The following MNX1 variants were observed in gnomAD, a reference collection of about 807,000 sequenced individuals.
MNX1 encodes the protein motor neuron and pancreas homeobox protein 1.
A neutral mutation model predicts 17.3 loss-of-function variants in MNX1; 2 were observed. That is an observed-to-expected ratio of 0.12 (90% CI 0.05 to 0.36). The LOEUF is 0.36. Ranked by LOEUF, MNX1 falls within the 10% of genes least tolerant of loss-of-function variation. MNX1 has a pLI of 1.00. For synonymous variants in MNX1, 306 were observed against 283.1 expected (o/e 1.08, Z -0.81); for missense variants, 556 against 564.7 (o/e 0.98, Z 0.16).
At chr7:157,005,965 T>A in intron 2 of MNX1, 92 bp from the exon 3 acceptor site, 1 of 1,473,372 alleles carries the variant, frequency 6.8e-7, no homozygotes, top group Middle Eastern at 1.8e-4. Flanking sequence ...CTGGGCCCCA[T>A]TGGGTCGGCC....
rs1459545906 is a variant in MNX1 at position 157,006,867 on chromosome 7, T to G, written c.692-228A>C. ...TAATGAGACCAATTTTTTTTTTTTT[T>G]TTTGTCTAGGAGACGTCTGAGTGTC... On this transcript the variant is annotated intron_variant, in intron 1 of 2. Transcript: ENST00000252971. This position sits in a 1 kb window ranked among gnomAD's most constrained non-coding sequence, Gnocchi z 6.3. 2 of 466,392 alleles carry G rather than the reference T, an allele frequency of 4.3e-6. No homozygotes were observed. Among genetic ancestry groups the G allele is most frequent in the East Asian group, 3.5e-5 (1 of 28,462 alleles). 28.9% of individuals were successfully genotyped at this position (466,392 alleles called of 1,614,324 possible). A position where few individuals can be genotyped will look rare whatever the true frequency, so the allele number is the denominator to read the frequency against.
chr7:157,005,155 G>C lies in MNX1; in HGVS notation c.*365C>G, dbSNP rs1258060788. ...GTGGGTTTCCGCCTTCTCGGACGCG[G>C]GGAAAGGGGAGACAGGAGGCTTCCC... On this transcript the variant is annotated 3_prime_UTR_variant, in exon 3 of 3. Transcript: ENST00000252971. 12 of 232,570 alleles carry C rather than the reference G, an allele frequency of 5.2e-5. No homozygotes were observed. The highest frequency in any genetic ancestry group is 1.3e-3 in the Middle Eastern group (1 of 788). 14.4% of individuals were successfully genotyped at this position (232,570 alleles called of 1,614,324 possible).
chr7:157,005,278 C>T lies in MNX1; in HGVS notation c.*242G>A. Reference sequence around the variant, plus strand: ...AAGAACCAGAGTTCAAGTTTCAGCCCCCTGGGTCTCCCTCTCGCTGTTTCT... The same window carrying T: ...AAGAACCAGAGTTCAAGTTTCAGCCTCCTGGGTCTCCCTCTCGCTGTTTCT... On this transcript the variant is annotated 3_prime_UTR_variant, in exon 3 of 3. Transcript: ENST00000252971. 1 of 274,692 alleles carries T rather than the reference C, an allele frequency of 3.6e-6. No homozygotes were observed. Among genetic ancestry groups the T allele is most frequent in the Admixed American group, 5.2e-5 (1 of 19,130 alleles). 17.0% of individuals were successfully genotyped at this position (274,692 alleles called of 1,614,324 possible). A position where few individuals can be genotyped will look rare whatever the true frequency, so the allele number is the denominator to read the frequency against.
At chr7:157,009,426 C>G in intron 1 of MNX1, 1 of 1,428,402 alleles carries the variant, frequency 7.0e-7, no homozygotes, top group Non-Finnish European at 9.1e-7. Flanking sequence ...TGCCCCTTCC[C>G]GTTAAGAGAG....
In MNX1 at chr7:157,009,766, C is replaced by A. The variant is rs1231418583; in HGVS notation, c.585G>T (p.Ala195=). ...CCAGCTTGATGGGGTCGGCGGGGTG[C>A]GCGGGGTGCGCGCCTTGCACCTGCG... The part of the protein sequence containing the change: ...SYPQVQGAHP[A]HPADPIKLGA... The change falls in exon 1 of 3, where the codon GCG becomes GCT. Residue 195 remains alanine, a synonymous_variant. Transcript: ENST00000252971. 6.3e-7 allele frequency: 1 copy of A among 1,598,650 alleles called. No homozygotes were observed. The highest frequency in any genetic ancestry group is 1.7e-5 in the Admixed American group (1 of 59,058).
Position 157,010,277 on chromosome 7 carries a change from C to T in MNX1, c.74G>A (p.Ser25Asn). Reference protein sequence around the residue: ...VDPPRAASAQSAPLALVTSLA... With the variant: ...VDPPRAASAQNAPLALVTSLA... ...CGACGTGACCAAGGCCAGCGGCGCG[C>T]TCTGCGCAGAGGCGGCTCGTGGGGG... Residue 25 changes from serine to asparagine, a missense_variant, in exon 1 of 3, where the codon AGC (serine) becomes AAC (asparagine). Transcript: ENST00000252971. The T allele has an allele frequency of 6.5e-7, 1 of 1,537,540 alleles. No homozygotes were observed. Among genetic ancestry groups the T allele is most frequent in the Non-Finnish European group, 8.8e-7 (1 of 1,142,672 alleles).
chr7:157,009,862 G>A lies in MNX1; in HGVS notation c.489C>T (p.Val163=), dbSNP rs1805676196. Residue 163 remains valine (V), a synonymous_variant, in exon 1 of 3, where the codon GTC becomes GTT. Transcript: ENST00000252971. Reference sequence around the variant, plus strand: ...CCGCCGCCGCCGCGGAGTAGCCGTAGACCGGGTGGCCGTAGAGCGCCGCCT... The same window carrying A: ...CCGCCGCCGCCGCGGAGTAGCCGTAAACCGGGTGGCCGTAGAGCGCCGCCT... ...PAQAALYGHP[V]YGYSAAAAAA... 6.7e-7 allele frequency: 1 copy of A among 1,488,118 alleles called. No homozygotes were observed. The highest frequency in any genetic ancestry group is 8.9e-7 in the Non-Finnish European group (1 of 1,127,154). The allele number at this position is 1,488,118 out of a possible 1,614,324, so 92.2% of individuals were successfully genotyped here.
rs769584238 is a variant in MNX1, at chr7:157,005,505, T to TG, written c.*14dup. On this transcript the variant is annotated 3_prime_UTR_variant, in exon 3 of 3. Transcript: ENST00000252971. ...GGCGCTCCGTGCGCGCCGCACCTGC[T>TG]GGGCCGCGGGGCTCCTACTGGGGCG... The TG allele has an allele frequency of 6.3e-6, 9 of 1,417,686 alleles. No individual in the cohort carries two copies. The highest frequency in any genetic ancestry group is 3.2e-5 in the Admixed American group (1 of 31,188). 87.8% of individuals were successfully genotyped at this position (1,417,686 alleles called of 1,614,324 possible).
At chr7:157,009,092 C>T (rs1287149684) in intron 1 of MNX1, 1 of 1,536,436 alleles carries the variant, frequency 6.5e-7, no homozygotes, top group Non-Finnish European at 8.7e-7. Flanking sequence ...GCCATCGCAC[C>T]CCGGATCCAA....
chr7:157,008,982 G>A, intron 1 of MNX1: 1 of 1,536,918 alleles, frequency 6.5e-7, no homozygotes, highest in South Asian at 1.2e-5. Flanking sequence ...CCCCACCTTG[G>A]AGGGGCATTC....
chr7:157,009,777 C>T lies in MNX1; in HGVS notation c.574G>A (p.Ala192Thr), dbSNP rs750182825. The T allele has an allele frequency of 3.1e-6, 5 of 1,592,600 alleles. No individual in the cohort carries two copies. Among genetic ancestry groups the T allele is most frequent in the Admixed American group, 1.7e-5 (1 of 58,130 alleles). Residue 192 changes from alanine to threonine, a missense_variant, in exon 1 of 3, where the codon GCG (alanine) becomes ACG (threonine). Ala to Thr is a moderately conservative substitution (Grantham distance 58). Transcript: ENST00000252971. ...GGGTCGGCGGGGTGCGCGGGGTGCGCGCCTTGCACCTGCGGGTACGAGTAG... is the reference window on the plus strand; with the variant it reads ...GGGTCGGCGGGGTGCGCGGGGTGCGTGCCTTGCACCTGCGGGTACGAGTAG... The part of the protein sequence containing the change: ...LSYSYPQVQG[A>T]HPAHPADPIK...
rs1196655306 is a variant in MNX1 at position 157,005,397 on chromosome 7, C to T, written c.*123G>A. The T allele has an allele frequency of 4.9e-6, 3 of 606,062 alleles. No individual in the cohort carries two copies. The highest frequency in any genetic ancestry group is 3.9e-5 in the African/African-American group (2 of 51,582). The allele number at this position is 606,062 out of a possible 1,614,324, so 37.5% of individuals were successfully genotyped here. A position where few individuals can be genotyped will look rare whatever the true frequency, so the allele number is the denominator to read the frequency against. On this transcript the variant is annotated 3_prime_UTR_variant, in exon 3 of 3. Coordinates refer to ENST00000252971, the MANE Select transcript of MNX1 (RefSeq NM_005515.4). ...CCAGCCCCGGCCTGGGCGAGGGGTC[C>T]ATGGGGCGGCGGTCGAGCCTGCTCT...
chr7:157,008,325 A>T (rs1805642134), intron 1 of MNX1: 1 of 152,266 alleles, frequency 6.6e-6, no homozygotes, highest in South Asian at 2.1e-4. Context: ...CTGGGTCGGC[A>T]CCCTGGGTTT....
chr7:157,005,562 G>C lies in MNX1; in HGVS notation c.1164C>G (p.Asp388Glu). 1 of 1,566,840 alleles carries C rather than the reference G, an allele frequency of 6.4e-7. No individual in the cohort carries two copies. The highest frequency in any genetic ancestry group is 1.2e-5 in the South Asian group (1 of 85,914). ...GGTGGCTGGGCCGCGGGGGCGGCGA[G>C]TCGTCCTCCGAGGAGCAGTCGGAGG... is the stretch of plus-strand genomic sequence containing the variant. ...AASSDCSSED[D>E]SPPPRPSHQP... Residue 388 changes from aspartate (D) to glutamate (E), a missense_variant, in exon 3 of 3, where the codon GAC (aspartate) becomes GAG (glutamate). Around this residue, in one of 7 missense-constraint regions of MNX1, gnomAD observed 178 missense variants for 155.2 expected, o/e 1.15. Coordinates refer to ENST00000252971, the MANE Select transcript of MNX1 (RefSeq NM_005515.4).
Position 157,006,655 on chromosome 7 carries a change from C to A in MNX1, c.692-16G>T. 1.3e-6 allele frequency: 2 copies of A among 1,569,052 alleles called. No homozygotes were observed. The highest frequency in any genetic ancestry group is 1.7e-6 in the Non-Finnish European group (2 of 1,158,916). ...TGCGCCTGGGCTGGGGACCAAAGGG[C>A]AGTGAGGCCCACAGCCGGCTCCGGT... On this transcript the variant is annotated splice_polypyrimidine_tract_variant and intron_variant, in intron 1 of 2. Coordinates refer to ENST00000252971, the MANE Select transcript of MNX1 (RefSeq NM_005515.4). The surrounding 1 kb of genome is among the most constrained non-coding windows in gnomAD (Gnocchi z 6.3).
rs1805685291 is a variant in MNX1 at position 157,010,078 on chromosome 7, C to G, written c.273G>C (p.Leu91=). ...CCGCGCCCAGGAAGCCCGGCTTGGG[C>G]AGCAGCGCGCAGTGCGCGGCCAGCA... is the stretch of plus-strand genomic sequence containing the variant. ...PRLLAAHCAL[L]PKPGFLGAGG... The change falls in exon 1 of 3, where the codon CTG becomes CTC. Residue 91 remains leucine (L), a synonymous_variant. Coordinates refer to ENST00000252971, the MANE Select transcript of MNX1 (RefSeq NM_005515.4). The G allele has an allele frequency of 1.0e-6, 1 of 985,552 alleles. No homozygotes were observed. 61.1% of individuals were successfully genotyped at this position (985,552 alleles called of 1,614,324 possible).
rs527488700 is a variant in MNX1, at chr7:157,005,513, G to T, written c.*7C>A. 2 of 1,445,426 alleles carry T rather than the reference G, an allele frequency of 1.4e-6. No homozygotes were observed. Among genetic ancestry groups the T allele is most frequent in the Non-Finnish European group, 1.8e-6 (2 of 1,105,616 alleles). 89.5% of individuals were successfully genotyped at this position (1,445,426 alleles called of 1,614,324 possible). A position where few individuals can be genotyped will look rare whatever the true frequency, so the allele number is the denominator to read the frequency against. On this transcript the variant is annotated 3_prime_UTR_variant, in exon 3 of 3. Coordinates refer to ENST00000252971, the MANE Select transcript of MNX1 (RefSeq NM_005515.4). ...GTGCGCGCCGCACCTGCTGGGCCGC[G>T]GGGCTCCTACTGGGGCGCGGGCTGG...
At chr7:157,008,786 C>T (rs1439926729) in intron 1 of MNX1, 4 of 595,736 alleles carry the variant, frequency 6.7e-6, no homozygotes, top group South Asian at 2.1e-5. Context: ...TAGCTGACCC[C>T]GATGGGGCGA....
chr7:157,006,325 G>C lies in MNX1; in HGVS notation c.852+154C>G, dbSNP rs532155284. 7 of 781,248 alleles carry C rather than the reference G, an allele frequency of 9.0e-6. No homozygotes were observed. The Admixed American group carries it at 2.0e-4, about 23-fold the overall frequency. 48.4% of individuals were successfully genotyped at this position (781,248 alleles called of 1,614,324 possible). A position where few individuals can be genotyped will look rare whatever the true frequency, so the allele number is the denominator to read the frequency against. On this transcript the variant is annotated intron_variant, in intron 2 of 2. Transcript: ENST00000252971. This position sits in a 1 kb window ranked among gnomAD's most constrained non-coding sequence, Gnocchi z 6.3. ...GGGCCCCACCCGAAGCTACTGAATC[G>C]GCGCTCTGGGCACCTTAGATGAACC...
Sources: gnomAD v4.1 joint callset for allele counts on GRCh38, gnomAD v4.1.1 for gene constraint, gnomAD v4.1.1 regional missense constraint, Gnocchi (gnomAD v3.1) non-coding constraint, MANE v1.5 for transcripts, NCBI Gene and HGNC (gene_info 2026-07-23, HGNC 2026-07-21) for gene names.